DCUN1D3: variants seen among roughly 807,000 people sequenced by gnomAD.
The protein encoded by DCUN1D3 is DCN1-like protein 3.
DCUN1D3 carries 6 observed loss-of-function variants against 24.8 expected under a neutral mutation model. That is an observed-to-expected ratio of 0.24 (90% CI 0.13 to 0.48). The LOEUF is 0.48. Among genes scored for constraint, DCUN1D3 ranks in the 20% least tolerant of loss-of-function variants. The probability of loss-of-function intolerance (pLI) is 0.99; values close to 1 mark genes in which losing one functional copy is unlikely to be tolerated. For missense variants in DCUN1D3, 258 were observed against 379.4 expected (o/e 0.68, Z 2.66); for synonymous variants, 120 against 144.9 (o/e 0.83, Z 1.24).
At chr16:20,882,302 G>A (rs989196841) in intron 1 of DCUN1D3, among the ~76,000 whole-genome samples, 2 of 148,914 alleles carry the variant, frequency 1.3e-5, no homozygotes, top group African/African-American at 2.5e-5. Context: ...ACCCAGGCTG[G>A]AGTGCAATGG....
intron 1 of DCUN1D3, among the ~76,000 whole-genome samples, chr16:20,888,487 C>T (rs1329781504): frequency 6.6e-6 from 1 of 152,186 alleles, no homozygotes; most frequent in Non-Finnish European, 1.5e-5. Flanking sequence ...TGAGCAGGGT[C>T]TCACTTTGTC....
chr16:20,885,634 T>C (rs1440433116), intron 1 of DCUN1D3, among the ~76,000 whole-genome samples: 1 of 152,178 alleles, frequency 6.6e-6, no homozygotes, highest in African/African-American at 2.4e-5. Context: ...ATTCTGGGTT[T>C]TACTGAAAAA....
chr16:20,887,503 G>A (rs953883592), intron 1 of DCUN1D3, among the ~76,000 whole-genome samples: 4 of 152,182 alleles, frequency 2.6e-5, no homozygotes, highest in Admixed American at 2.0e-4. Context: ...CATAGTTAAA[G>A]AAACAGACTG....
intron 1 of DCUN1D3, among the ~76,000 whole-genome samples, chr16:20,896,666 A>G (rs951148210): frequency 6.6e-6 from 1 of 152,240 alleles, no homozygotes; most frequent in Non-Finnish European, 1.5e-5. Flanking sequence ...AATGAAGTGG[A>G]GAGCTTAATA....
At chr16:20,871,023 TG>T (rs1458495654) in intron 1 of DCUN1D3, among the ~76,000 whole-genome samples, 1 of 152,186 alleles carries the variant, frequency 6.6e-6, no homozygotes, top group Non-Finnish European at 1.5e-5. Context: ...GGAATATGGC[TG>T]GTGTCCATTT....
Position 20,883,284 on chromosome 16 carries a change from G to A in DCUN1D3, c.-106+16920C>T, listed in dbSNP as rs1462427798. On this transcript the variant is annotated intron_variant, in intron 1 of 2. Coordinates refer to ENST00000324344, the MANE Select transcript of DCUN1D3 (RefSeq NM_173475.4). ...TCCCAGCACTTTGGGAGGCCGAGGC[G>A]GACGGATCACGAGGTCAGGAGATCG... Among the ~76,000 whole-genome samples, 9 of 152,174 alleles carry A rather than the reference G, an allele frequency of 5.9e-5. No homozygotes were observed. The South Asian group carries it at 6.2e-4, about 11-fold the overall frequency.
rs973749801 is a variant in DCUN1D3 at position 20,857,692 on chromosome 16, T to A, written c.*2194A>T. 6.6e-6 allele frequency: 1 copy of A among 151,978 alleles called. No individual in the cohort carries two copies. Among genetic ancestry groups the A allele is most frequent in the Non-Finnish European group, 1.5e-5 (1 of 68,028 alleles). 9.4% of individuals were successfully genotyped at this position (151,978 alleles called of 1,614,324 possible). ...GGACCCCTGGAGACTTATTCAAGAG[T>A]CTTATTTAGCTAGAACAGAAGCCAG... On this transcript the variant is annotated 3_prime_UTR_variant, in exon 3 of 3. Coordinates refer to ENST00000324344, the MANE Select transcript of DCUN1D3 (RefSeq NM_173475.4).
chr16:20,890,299 T>A (rs1303971782), intron 1 of DCUN1D3, among the ~76,000 whole-genome samples: 1 of 152,068 alleles, frequency 6.6e-6, no homozygotes, highest in Non-Finnish European at 1.5e-5. Context: ...GCAGCTGGCA[T>A]CTGAAGTGGG....
rs1348164443 is a variant in DCUN1D3, at chr16:20,860,021, G to A, written c.780C>T (p.Tyr260=). The part of the protein sequence containing the change: ...TQVIGPDLSN[Y]SEDEAWPSLF... ...GACTTGGCCAGGCCTCATCTTCACTGTAGTTGCTGAGGTCAGGGCCAATCA... is the reference window on the plus strand; with the variant it reads ...GACTTGGCCAGGCCTCATCTTCACTATAGTTGCTGAGGTCAGGGCCAATCA... Residue 260 remains tyrosine, a synonymous_variant, in exon 3 of 3, where the codon TAC becomes TAT. Coordinates refer to ENST00000324344, the MANE Select transcript of DCUN1D3 (RefSeq NM_173475.4). The surrounding 1 kb of genome is among the most constrained non-coding windows in gnomAD (Gnocchi z 4.3). The A allele has an allele frequency of 2.5e-6, 4 of 1,614,130 alleles. No individual in the cohort carries two copies. Among genetic ancestry groups the A allele is most frequent in the Middle Eastern group, 1.6e-4 (1 of 6,084 alleles).
rs752906928 is a variant in DCUN1D3, at chr16:20,862,183, C to G, written c.356G>C (p.Cys119Ser). 3 of 1,614,258 alleles carry G rather than the reference C, an allele frequency of 1.9e-6. No individual in the cohort carries two copies. In the South Asian group the frequency reaches 3.3e-5, roughly 18 times the overall value. ...CACTCGAAATTCTGTGGGGTCAACA[C>G]ACAGGTCATTGCAAAAGCGCTCCAT... is the stretch of plus-strand genomic sequence containing the variant. ...EGMERFCNDL[C>S]VDPTEFRVLL... is the part of the protein sequence containing the mutation. The change falls in exon 2 of 3, where the codon TGT (cysteine) becomes TCT (serine). Residue 119 changes from cysteine (C) to serine (S), a missense_variant. Coordinates refer to ENST00000324344, the MANE Select transcript of DCUN1D3 (RefSeq NM_173475.4).
chr16:20,879,134 A>T (rs939322761), intron 1 of DCUN1D3, among the ~76,000 whole-genome samples: 9 of 152,248 alleles, frequency 5.9e-5, no homozygotes, highest in Non-Finnish European at 1.3e-4. Flanking sequence ...AAAATTGAAA[A>T]GAAAAATAGC....
Position 20,860,440 on chromosome 16 carries a change from T to G in DCUN1D3, c.432-71A>C. 6.8e-7 allele frequency: 1 copy of G among 1,481,048 alleles called. No homozygotes were observed. Among genetic ancestry groups the G allele is most frequent in the South Asian group, 1.4e-5 (1 of 74,014 alleles). 91.7% of individuals were successfully genotyped at this position (1,481,048 alleles called of 1,614,324 possible). ...ATTTACAGGCAATATACATAGTGAT[T>G]AAGAGCAAGGCTTTCAGGCCAGATG... On this transcript the variant is annotated intron_variant, in intron 2 of 2. Transcript: ENST00000324344. This position sits in a 1 kb window ranked among gnomAD's most constrained non-coding sequence, Gnocchi z 4.3.
intron 1 of DCUN1D3, among the ~76,000 whole-genome samples, chr16:20,866,342 C>G (rs2081762003): frequency 6.6e-6 from 1 of 152,208 alleles, no homozygotes; most frequent in Non-Finnish European, 1.5e-5. Flanking sequence ...CGCTGACTCA[C>G]CAGGGTTTAC....
chr16:20,871,019 T>C (rs932173510), intron 1 of DCUN1D3, among the ~76,000 whole-genome samples: 1 of 152,204 alleles, frequency 6.6e-6, no homozygotes, highest in Non-Finnish European at 1.5e-5. Flanking sequence ...AGACGGAATA[T>C]GGCTGGTGTC....
intron 1 of DCUN1D3, among the ~76,000 whole-genome samples, chr16:20,896,710 A>T (rs925194806): frequency 1.3e-5 from 2 of 152,256 alleles, no homozygotes; most frequent in African/African-American, 2.4e-5. Flanking sequence ...GCCAAGCATC[A>T]GCATATAAGT....
chr16:20,897,849 A>G (rs1284166812), intron 1 of DCUN1D3, among the ~76,000 whole-genome samples: 1 of 152,232 alleles, frequency 6.6e-6, no homozygotes, highest in Admixed American at 6.5e-5. Context: ...CAGCAGAGTG[A>G]CTTTATTATG....
At chr16:20,877,796 G>T (rs900732165) in intron 1 of DCUN1D3, among the ~76,000 whole-genome samples, 1 of 152,150 alleles carries the variant, frequency 6.6e-6, no homozygotes, top group Non-Finnish European at 1.5e-5. Context: ...GTTCTCAAGA[G>T]CTGATTTTTT....
chr16:20,860,363 CT>C lies in DCUN1D3; in HGVS notation c.437del (p.Glu146GlyfsTer9). On this transcript the variant is annotated frameshift_variant, in exon 3 of 3. Transcript: ENST00000324344. LOFTEE classifies it high-confidence loss of function. This position sits in a 1 kb window ranked among gnomAD's most constrained non-coding sequence, Gnocchi z 4.3. Reference sequence around the variant, plus strand: ...TTATTGCTTTGCAGCCATCAAAAAACTCCTTCCTGCAACAGAAAGGAAAAGG... The same window carrying C: ...TTATTGCTTTGCAGCCATCAAAAAACCCTTCCTGCAACAGAAAGGAAAAGG... Reference protein sequence around the residue: ...AATMCKFTRKEFFDGCKAISA... With the variant: ...AATMCKFTRKXFFDGCKAISA... 1 of 1,609,428 alleles carries C rather than the reference CT, an allele frequency of 6.2e-7. No individual in the cohort carries two copies. The highest frequency in any genetic ancestry group is 8.5e-7 in the Non-Finnish European group (1 of 1,177,200).
At chr16:20,882,985 A>G (rs1432507232) in intron 1 of DCUN1D3, among the ~76,000 whole-genome samples, 2 of 145,680 alleles carry the variant, frequency 1.4e-5, no homozygotes, top group Non-Finnish European at 3.0e-5. Flanking sequence ...CAGGTTGAGT[A>G]TCCCTTATCC....
Sources: gnomAD v4.1 joint callset for allele counts (sites outside exome capture counted in the v4.1 genomes callset) on GRCh38, gnomAD v4.1.1 for gene constraint, Gnocchi (gnomAD v3.1) non-coding constraint, MANE v1.5 for transcripts, NCBI Gene and HGNC (gene_info 2026-07-23, HGNC 2026-07-21) for gene names.